The following SGIP1 variants were observed in gnomAD, a reference collection of about 807,000 sequenced individuals.
SGIP1 encodes the protein SH3-containing GRB2-like protein 3-interacting protein 1.
Under a neutral mutation model 107.5 loss-of-function variants are expected in SGIP1, and 38 were observed. That is an observed-to-expected ratio of 0.35 (90% CI 0.27 to 0.46). The LOEUF (loss-of-function observed/expected upper bound fraction) is 0.46, where lower values mean the gene tolerates loss of function less well. SGIP1 is among the 20% of genes least tolerant of loss of function. The pLI is 1.00. For missense variants in SGIP1, 929 were observed against 1,019.5 expected (o/e 0.91, Z 1.21); for synonymous variants, 365 against 366.1 (o/e 1.00, Z 0.03).
At chr1:66,704,757 G>A (rs2092338864) in intron 18 of SGIP1, 1 of 152,140 alleles carries the variant, frequency 6.6e-6, no homozygotes, top group Non-Finnish European at 1.5e-5. Context: ...AATGAAGAAA[G>A]TATACTAGTG....
chr1:66,554,352 A>G (rs935366525), intron 1 of SGIP1, among the ~76,000 whole-genome samples: 1 of 152,164 alleles, frequency 6.6e-6, no homozygotes. Context: ...TTCAGACAGA[A>G]TAAGGTCCTT....
At chr1:66,598,175 C>A (rs2065092048) in intron 1 of SGIP1, among the ~76,000 whole-genome samples, 2 of 151,928 alleles carry the variant, frequency 1.3e-5, no homozygotes, top group African/African-American at 2.4e-5. Flanking sequence ...GTCTTTTAGT[C>A]CAAAAGCAAG....
chr1:66,588,695 A>G (rs894101235), intron 1 of SGIP1, among the ~76,000 whole-genome samples: 21 of 129,268 alleles, frequency 1.6e-4, no homozygotes, highest in African/African-American at 5.7e-4. Context: ...CCTGTGATCT[A>G]CAAAGCTCTA....
At chr1:66,566,029 A>T (rs2059590918) in intron 1 of SGIP1, among the ~76,000 whole-genome samples, 1 of 152,040 alleles carries the variant, frequency 6.6e-6, no homozygotes, top group African/African-American at 2.4e-5. Flanking sequence ...TTACGGCTTC[A>T]GTTAGATTCA....
chr1:66,640,202 T>C (rs545155134), intron 5 of SGIP1, among the ~76,000 whole-genome samples: 1,940 of 152,288 alleles, frequency 0.013, 48 homozygotes, highest in African/African-American at 0.044. Context: ...GTGTGTGGCC[T>C]TGGAGTAGTT....
intron 7 of SGIP1, chr1:66,643,950 T>G (rs2077205157): frequency 3.3e-6 from 1 of 303,532 alleles, no homozygotes; most frequent in Non-Finnish European, 6.0e-6. Context: ...AACCACATTT[T>G]CTTTTGACTT....
At chr1:66,591,075 A>G in intron 1 of SGIP1, among the ~76,000 whole-genome samples, 1 of 152,182 alleles carries the variant, frequency 6.6e-6, no homozygotes, top group East Asian at 1.9e-4. Flanking sequence ...AGTAAACTTG[A>G]CATCGTCTGT....
intron 1 of SGIP1, among the ~76,000 whole-genome samples, chr1:66,595,402 A>G (rs2064443039): frequency 6.6e-6 from 1 of 152,160 alleles, no homozygotes; most frequent in Admixed American, 6.5e-5. Context: ...TGTATTTGTG[A>G]TCCGGGGAAT....
chr1:66,726,200 T>C (rs2093748152), intron 19 of SGIP1, among the ~76,000 whole-genome samples: 1 of 152,106 alleles, frequency 6.6e-6, no homozygotes, highest in Non-Finnish European at 1.5e-5. Context: ...GCTGGAAGGG[T>C]GAAGGAAAAC....
At chr1:66,599,309 A>C (rs994580903) in intron 1 of SGIP1, among the ~76,000 whole-genome samples, 40 of 152,198 alleles carry the variant, frequency 2.6e-4, no homozygotes, top group African/African-American at 9.4e-4. Flanking sequence ...TACTCCTCAT[A>C]AAATCCCATA....
chr1:66,583,119 C>T (rs981782239), intron 1 of SGIP1, among the ~76,000 whole-genome samples: 2 of 151,920 alleles, frequency 1.3e-5, no homozygotes, highest in African/African-American at 4.8e-5. Flanking sequence ...AAGTATTTCT[C>T]AAGGAGAAAG....
intron 8 of SGIP1, among the ~76,000 whole-genome samples, chr1:66,667,278 A>G (rs535310826): frequency 2.4e-3 from 372 of 152,272 alleles, no homozygotes; most frequent in African/African-American, 8.6e-3. Flanking sequence ...TTATGTACAC[A>G]TAACTAAAAC....
chr1:66,651,766 G>A (rs760640698), intron 7 of SGIP1, among the ~76,000 whole-genome samples: 1 of 152,160 alleles, frequency 6.6e-6, no homozygotes, highest in African/African-American at 2.4e-5. Context: ...CTTAAATGCT[G>A]TTGTGTGATA....
chr1:66,680,476 C>T (rs889693749), intron 14 of SGIP1, among the ~76,000 whole-genome samples: 3 of 152,212 alleles, frequency 2.0e-5, no homozygotes, highest in Non-Finnish European at 4.4e-5. Flanking sequence ...TCTGTTGCAG[C>T]TTCATCCTTT....
chr1:66,663,164 G>A (rs1007917064), intron 8 of SGIP1, among the ~76,000 whole-genome samples: 11 of 152,192 alleles, frequency 7.2e-5, no homozygotes, highest in Non-Finnish European at 1.0e-4. Flanking sequence ...ACTGAACAGT[G>A]GCAAGTTTTC....
At chr1:66,642,902 A>T in intron 6 of SGIP1, 38 bp downstream of exon 6, 1 of 1,522,028 alleles carries the variant, frequency 6.6e-7, no homozygotes, top group Non-Finnish European at 9.0e-7. Flanking sequence ...ATTTTCATTC[A>T]CTCTCAGAAA....
At chr1:66,706,946 T>C (rs1460742926) in intron 18 of SGIP1, among the ~76,000 whole-genome samples, 1 of 152,188 alleles carries the variant, frequency 6.6e-6, no homozygotes, top group Non-Finnish European at 1.5e-5. Context: ...ATATTATTAC[T>C]TTTAAAAATT....
At chr1:66,731,014 C>A (rs1004176608) in intron 20 of SGIP1, among the ~76,000 whole-genome samples, 38 of 152,318 alleles carry the variant, frequency 2.5e-4, no homozygotes, top group African/African-American at 9.1e-4. Flanking sequence ...TCTACCGTTA[C>A]TTTTAAATGA....
chr1:66,728,338 G>A (rs1393827113), intron 19 of SGIP1, among the ~76,000 whole-genome samples: 2 of 152,304 alleles, frequency 1.3e-5, no homozygotes, highest in Admixed American at 1.3e-4. Flanking sequence ...AGAACCACCA[G>A]AGTAGAGGAT....
Sources: allele counts gnomAD v4.1 joint callset (sites outside exome capture counted in the v4.1 genomes callset), GRCh38; gene constraint gnomAD v4.1.1; transcripts MANE v1.5; gene names NCBI Gene and HGNC (gene_info 2026-07-23, HGNC 2026-07-21).